PLXNA1: variants seen among roughly 807,000 people sequenced by gnomAD.
PLXNA1 encodes plexin-A1.
A neutral mutation model predicts 191.7 loss-of-function variants in PLXNA1; 77 were observed. The observed-to-expected ratio is 0.40, with a 90% confidence interval of 0.33 to 0.49. The LOEUF is 0.49. Ranked by LOEUF, PLXNA1 falls within the 20% of genes least tolerant of loss-of-function variation. PLXNA1 has a pLI of 0.63. For synonymous variants in PLXNA1, 1,137 were observed against 1,156.4 expected (o/e 0.98, Z 0.34); for missense variants, 2,110 against 2,660.2 (o/e 0.79, Z 4.55).
intron 18 of PLXNA1, 25 bp downstream of exon 18, chr3:127,017,689 G>A (rs1228034738): frequency 6.2e-7 from 1 of 1,613,108 alleles, no homozygotes; most frequent in Non-Finnish European, 8.5e-7. Context: ...CCCGTAGGCT[G>A]GGCCAAGCCA....
At chr3:126,987,702 G>A (rs1400050619) in intron 1 of PLXNA1, among the ~76,000 whole-genome samples, 1 of 152,194 alleles carries the variant, frequency 6.6e-6, no homozygotes, top group African/African-American at 2.4e-5. Flanking sequence ...CTGGGAGCAG[G>A]ACTGGTGGCT....
chr3:127,017,673 C>T lies in PLXNA1; in HGVS notation c.3516+9C>T, dbSNP rs766544213. On this transcript the variant is annotated intron_variant, in intron 18 of 31. Coordinates refer to ENST00000393409, the MANE Select transcript of PLXNA1 (RefSeq NM_032242.4). ...CCCCACTCATCCTCAAGGTGGGTCA[C>T]CATTGCCCGTAGGCTGGGCCAAGCC... is the stretch of plus-strand genomic sequence containing the variant. The T allele has an allele frequency of 3.1e-6, 5 of 1,613,340 alleles. No individual in the cohort carries two copies. The South Asian group carries it at 5.5e-5, about 18-fold the overall frequency.
At chr3:127,030,483 T>C (rs2107638645) in intron 29 of PLXNA1, 71 bp downstream of exon 29, 1 of 1,559,460 alleles carries the variant, frequency 6.4e-7, no homozygotes, top group Non-Finnish European at 8.7e-7. Flanking sequence ...GCCCTCGCCC[T>C]GTTCTGATCC....
intron 29 of PLXNA1, among the ~76,000 whole-genome samples, chr3:127,030,976 T>C (rs571919664): frequency 4.9e-4 from 74 of 152,286 alleles, no homozygotes; most frequent in African/African-American, 1.8e-3. Context: ...TGGGGCTCTA[T>C]GAGGCTGGGT....
chr3:126,988,160 G>C (rs990312877), intron 1 of PLXNA1, among the ~76,000 whole-genome samples: 2 of 152,166 alleles, frequency 1.3e-5, no homozygotes, highest in Non-Finnish European at 2.9e-5. Flanking sequence ...GGAGGCTCTG[G>C]GTGAAGGCTG....
At chr3:127,029,175 C>A in intron 26 of PLXNA1, 79 bp downstream of exon 26, 1 of 1,165,614 alleles carries the variant, frequency 8.6e-7, no homozygotes, top group Non-Finnish European at 1.3e-6. Context: ...ATGTTTGCAG[C>A]ATGTGGGCTG....
chr3:126,995,515 C>G (rs9831046), intron 3 of PLXNA1, among the ~76,000 whole-genome samples: 1 of 152,400 alleles, frequency 6.6e-6, no homozygotes, highest in South Asian at 2.1e-4. Context: ...GCCAGCCCTG[C>G]TCTGGTCCTG....
intron 21 of PLXNA1, 139 bp downstream of exon 21, chr3:127,020,483 G>T: frequency 9.0e-7 from 1 of 1,105,316 alleles, no homozygotes; most frequent in East Asian, 2.6e-5. Flanking sequence ...CAGGGCTCTG[G>T]GCTCAGCCAA....
chr3:127,026,367 C>T (rs2079176441), intron 23 of PLXNA1: 1 of 152,234 alleles, frequency 6.6e-6, no homozygotes, highest in Admixed American at 6.5e-5. Context: ...GATCTGGGTT[C>T]AGATCTTGGC....
intron 14 of PLXNA1, 126 bp downstream of exon 14, chr3:127,014,957 G>C: frequency 6.9e-7 from 1 of 1,448,710 alleles, no homozygotes; most frequent in Non-Finnish European, 9.2e-7. Flanking sequence ...CACGGCCTGG[G>C]TGCTGCCCCT....
At chr3:127,017,084 G>A in intron 17 of PLXNA1, 47 bp downstream of exon 17, 1 of 1,507,374 alleles carries the variant, frequency 6.6e-7, no homozygotes, top group Non-Finnish European at 9.2e-7. Flanking sequence ...GCCTTCACCT[G>A]GGATGGGGCT....
chr3:127,032,319 G>A, intron 29 of PLXNA1, 68 bp from the exon 30 acceptor site: 1 of 1,493,438 alleles, frequency 6.7e-7, no homozygotes, highest in Non-Finnish European at 9.2e-7. Flanking sequence ...GAGCTGGGAG[G>A]GCCACAAGGT....
At position 127,014,912 on chromosome 3, in the gene PLXNA1, G is replaced by A. The variant is rs2079115285; in HGVS notation, c.2877+81G>A. The A allele has an allele frequency of 3.2e-6, 5 of 1,541,338 alleles. No homozygotes were observed. The African/African-American group carries it at 5.5e-5, about 17-fold the overall frequency. On this transcript the variant is annotated intron_variant, in intron 14 of 31. Coordinates refer to ENST00000393409, the MANE Select transcript of PLXNA1 (RefSeq NM_032242.4). Reference sequence around the variant, plus strand: ...CTCAGGGCTTCTGTGCCTCTTCAGGGCCCCTTGTCTGGCCATGCTCTGCCA... The same window carrying A: ...CTCAGGGCTTCTGTGCCTCTTCAGGACCCCTTGTCTGGCCATGCTCTGCCA...
chr3:127,018,397 T>C lies in PLXNA1; in HGVS notation c.3764T>C (p.Leu1255Pro). 1 of 1,613,042 alleles carries C rather than the reference T, an allele frequency of 6.2e-7. No homozygotes were observed. Among genetic ancestry groups the C allele is most frequent in the Non-Finnish European group, 8.5e-7 (1 of 1,179,996 alleles). ...GTGGGCATTGGCGGAGGCGGGGGTC[T>C]CCTGCTGCTGGTCATCGTGGCTGTG... The part of the protein sequence containing the change: ...AIVGIGGGGG[L>P]LLLVIVAVLI... The change falls in exon 20 of 32, where the codon CTC (leucine) becomes CCC (proline). Residue 1255 changes from leucine (L) to proline (P), a missense_variant. By Grantham distance (98) the Leu-to-Pro change is moderately conservative (BLOSUM62 -3). Transcript: ENST00000393409.
chr3:127,008,619 C>T (rs560193980), intron 9 of PLXNA1, among the ~76,000 whole-genome samples: 55 of 152,192 alleles, frequency 3.6e-4, no homozygotes, highest in African/African-American at 6.0e-4. Context: ...GGTGTGGAGC[C>T]GGGACTTGCA....
At position 127,036,276 on chromosome 3, in the gene PLXNA1, C is replaced by T. The variant is rs1323040951; in HGVS notation, c.*2259C>T. 6.5e-6 allele frequency: 1 copy of T among 152,686 alleles called. No individual in the cohort carries two copies. Among genetic ancestry groups the T allele is most frequent in the African/African-American group, 2.4e-5 (1 of 41,430 alleles). 9.5% of individuals were successfully genotyped at this position (152,686 alleles called of 1,614,324 possible). ...CACCTTCAGAATCCAGTTCCAACCC[C>T]CACTCTCCTTAGGCCTTGTGCTCTG... On this transcript the variant is annotated 3_prime_UTR_variant, in exon 32 of 32. Transcript: ENST00000393409.
chr3:127,032,617 G>T lies in PLXNA1; in HGVS notation c.5444+18G>T. 6.2e-7 allele frequency: 1 copy of T among 1,611,614 alleles called. No individual in the cohort carries two copies. Among genetic ancestry groups the T allele is most frequent in the Non-Finnish European group, 8.5e-7 (1 of 1,178,750 alleles). The stretch of plus-strand genomic sequence containing the variant: ...GTGGAGAGGTAGGTGGAGGGTGCAG[G>T]GGTCGGGGGCAGGGGCCCGGGGGCA... On this transcript the variant is annotated intron_variant, in intron 30 of 31. Transcript: ENST00000393409.
intron 31 of PLXNA1, 30 bp downstream of exon 31, chr3:127,032,866 C>T (rs757919161): frequency 6.2e-7 from 1 of 1,604,518 alleles, no homozygotes; most frequent in Admixed American, 1.7e-5. Context: ...ACAGGCTGGG[C>T]TAGGAGGGCT....
intron 7 of PLXNA1, 137 bp downstream of exon 7, chr3:127,005,380 G>T: frequency 2.7e-6 from 3 of 1,122,414 alleles, no homozygotes; most frequent in South Asian, 3.2e-5. Flanking sequence ...ATGGGTGGGG[G>T]TCTCACCACC....
Sources: allele counts gnomAD v4.1 joint callset (sites outside exome capture counted in the v4.1 genomes callset), GRCh38; gene constraint gnomAD v4.1.1; transcripts MANE v1.5; gene names NCBI Gene and HGNC (gene_info 2026-07-23, HGNC 2026-07-21).